Variants in LRRC37A2 observed in about 807,000 individuals in gnomAD.
The protein encoded by LRRC37A2 is leucine-rich repeat-containing protein 37A2.
A neutral mutation model predicts 68.8 loss-of-function variants in LRRC37A2; 9 were observed. The ratio of observed to expected loss-of-function variants is 0.13; its 90% CI spans 0.08 to 0.23. LRRC37A2 has a LOEUF of 0.23. Among genes scored for constraint, LRRC37A2 ranks in the 10% least tolerant of loss-of-function variants. The probability of loss-of-function intolerance (pLI) is 1.00; values close to 1 mark genes in which losing one functional copy is unlikely to be tolerated. For synonymous variants in LRRC37A2, 63 were observed against 367.6 expected, an observed-to-expected ratio of 0.17 and a Z score of 9.48; for missense variants, 168 against 950.4, an observed-to-expected ratio of 0.18 and a Z score of 10.82.
At chr17:46,496,857 G>A in the LRRC37A2 span, among the ~76,000 whole-genome samples, 1 of 143,340 alleles carries the variant, frequency 7.0e-6, no homozygotes, top group South Asian at 2.3e-4. Flanking sequence ...AGAGGCTGCA[G>A]TAAGCCAAGA....
the LRRC37A2 span, among the ~76,000 whole-genome samples, chr17:46,782,349 T>C: frequency 0.84 from 128,416 of 152,128 alleles, 54,514 homozygotes; most frequent in East Asian, 1. Flanking sequence ...TGGTCATTTT[T>C]CTCTCCCTGT....
chr17:46,978,127 AAC>A, the LRRC37A2 span: 73 of 160,916 alleles, frequency 4.5e-4, no homozygotes, highest in South Asian at 1.1e-3. Context: ...TCCGCCCCGC[AAC>A]ACACACACAC....
chr17:46,542,526 G>GATATATAT (rs879872588), intron 8 of LRRC37A2, among the ~76,000 whole-genome samples: 73 of 145,610 alleles, frequency 5.0e-4, no homozygotes, highest in Non-Finnish European at 6.9e-4. Flanking sequence ...TATATATATA[G>GATATATAT]ATATAGATAT....
the LRRC37A2 span, among the ~76,000 whole-genome samples, chr17:46,896,941 C>A: frequency 1.3e-5 from 2 of 152,176 alleles, no homozygotes; most frequent in Non-Finnish European, 2.9e-5. Context: ...ACTATTGGGT[C>A]TTACTAGGGC....
intron 6 of LRRC37A2, among the ~76,000 whole-genome samples, chr17:46,534,994 C>G (rs1435111386): frequency 1.3e-5 from 2 of 150,278 alleles, no homozygotes; most frequent in Non-Finnish European, 2.9e-5. Context: ...AGATGCTCCT[C>G]ACCTCCCAGA....
chr17:46,873,303 C>T, the LRRC37A2 span, among the ~76,000 whole-genome samples: 1 of 151,364 alleles, frequency 6.6e-6, no homozygotes, highest in African/African-American at 2.4e-5. Flanking sequence ...CCTCCCCACT[C>T]CACCCACCCA....
the LRRC37A2 span, among the ~76,000 whole-genome samples, chr17:47,043,501 GA>G: frequency 2.1e-4 from 30 of 145,288 alleles, no homozygotes; most frequent in African/African-American, 2.3e-4. Flanking sequence ...TCCATCTCAG[GA>G]AAAAAAAAAA....
the LRRC37A2 span, among the ~76,000 whole-genome samples, chr17:46,720,454 A>G: frequency 0.15 from 23,308 of 152,078 alleles, 3,515 homozygotes; most frequent in East Asian, 0.6. Flanking sequence ...AGGGAGAACA[A>G]ATAAAGGATT....
chr17:46,462,062 A>G, the LRRC37A2 span, among the ~76,000 whole-genome samples: 2 of 82,540 alleles, frequency 2.4e-5, no homozygotes, highest in Non-Finnish European at 6.7e-5. Context: ...TGAAAGTTGT[A>G]CATTGTGCCC....
chr17:46,711,766 C>G, the LRRC37A2 span, among the ~76,000 whole-genome samples: 1 of 152,136 alleles, frequency 6.6e-6, no homozygotes, highest in African/African-American at 2.4e-5. Flanking sequence ...CTCTAAAGGT[C>G]TGGGGGATGA....
chr17:46,984,436 G>A, the LRRC37A2 span, among the ~76,000 whole-genome samples: 36 of 152,296 alleles, frequency 2.4e-4, no homozygotes, highest in Middle Eastern at 6.8e-3. Context: ...CCCTGCTCTA[G>A]AGAAAAGGAA....
chr17:46,812,843 G>A, the LRRC37A2 span, among the ~76,000 whole-genome samples: 8 of 152,298 alleles, frequency 5.3e-5, no homozygotes, highest in East Asian at 1.2e-3. Context: ...AGCTAACATC[G>A]ATATGCTTCC....
the LRRC37A2 span, among the ~76,000 whole-genome samples, chr17:46,958,490 G>C: frequency 5.3e-5 from 8 of 152,346 alleles, no homozygotes; most frequent in African/African-American, 1.7e-4. Flanking sequence ...GTGTCTCACA[G>C]CCTGACTAAG....
the LRRC37A2 span, chr17:46,931,545 GTTC>G: frequency 5.3e-6 from 2 of 374,536 alleles, no homozygotes; most frequent in Non-Finnish European, 9.7e-6. Flanking sequence ...TTCCTGCTGG[GTTC>G]TTCTTGGGTT....
At chr17:47,033,952 G>T in the LRRC37A2 span, among the ~76,000 whole-genome samples, 2 of 152,164 alleles carry the variant, frequency 1.3e-5, no homozygotes, top group Admixed American at 6.5e-5. Flanking sequence ...TACCAAAAAG[G>T]CGATGGACTG....
At chr17:47,006,130 C>T in the LRRC37A2 span, among the ~76,000 whole-genome samples, 1 of 151,852 alleles carries the variant, frequency 6.6e-6, no homozygotes, top group Non-Finnish European at 1.5e-5. Flanking sequence ...CAAGATTGCA[C>T]CATTGCACTC....
the LRRC37A2 span, chr17:46,979,091 G>A: frequency 3.9e-4 from 480 of 1,240,314 alleles, 1 homozygote; most frequent in Non-Finnish European, 4.7e-4. Context: ...GGGACGCTCC[G>A]GACCCCTCGG....
the LRRC37A2 span, among the ~76,000 whole-genome samples, chr17:46,819,762 G>T: frequency 6.6e-6 from 1 of 152,236 alleles, no homozygotes; most frequent in Non-Finnish European, 1.5e-5. The surrounding 1 kb of genome is among the most constrained non-coding windows in gnomAD (Gnocchi z 5.3). Context: ...CACAGGAAAG[G>T]AGTCCTTCCA....
chr17:47,029,929 G>A, the LRRC37A2 span, among the ~76,000 whole-genome samples: 1 of 151,758 alleles, frequency 6.6e-6, no homozygotes, highest in Non-Finnish European at 1.5e-5. Flanking sequence ...TGGGCATGGT[G>A]GCAGGCAACT....
Sources: allele counts gnomAD v4.1 joint callset (sites outside exome capture counted in the v4.1 genomes callset), GRCh38; gene constraint gnomAD v4.1.1; non-coding constraint Gnocchi (gnomAD v3.1); transcripts MANE v1.5; gene names NCBI Gene and HGNC (gene_info 2026-07-23, HGNC 2026-07-21).